Variants in CMIP observed in about 807,000 individuals in gnomAD.
CMIP encodes c-Maf inducing protein, also known as C-Maf-inducing protein.
CMIP carries 13 observed loss-of-function variants against 97.3 expected under a neutral mutation model. That is an observed-to-expected ratio of 0.13 (90% CI 0.09 to 0.21). CMIP has a LOEUF of 0.21. Ranked by LOEUF, CMIP falls within the 10% of genes least tolerant of loss-of-function variation. The probability of loss-of-function intolerance (pLI) is 1.00; values close to 1 mark genes in which losing one functional copy is unlikely to be tolerated. For missense variants in CMIP, 847 were observed against 1,024.9 expected (o/e 0.83, Z 2.37); for synonymous variants, 538 against 436.3 (o/e 1.23, Z -2.91).
chr16:81,625,507 A>G (rs28535205), intron 3 of CMIP, among the ~76,000 whole-genome samples: 4,101 of 152,324 alleles, frequency 0.027, 183 homozygotes, highest in African/African-American at 0.094. Context: ...GCCTGTGTGC[A>G]CACGAGGCCA....
intron 1 of CMIP, among the ~76,000 whole-genome samples, chr16:81,488,916 G>A (rs1235763053): frequency 1.3e-5 from 2 of 152,168 alleles, no homozygotes; most frequent in Admixed American, 1.3e-4. Context: ...GGCAGGCACT[G>A]GAAGAGATGG....
chr16:81,498,827 G>A (rs115385316), intron 1 of CMIP, among the ~76,000 whole-genome samples: 158 of 152,200 alleles, frequency 1.0e-3, no homozygotes, highest in African/African-American at 3.5e-3. Context: ...CTGCCCCTGC[G>A]TGTGCACACA....
At chr16:81,585,478 C>T (rs530409948) in intron 1 of CMIP, among the ~76,000 whole-genome samples, 5 of 152,326 alleles carry the variant, frequency 3.3e-5, no homozygotes, top group Admixed American at 3.3e-4. Context: ...GTCAGCCCTG[C>T]TCCCCTCCTG....
At chr16:81,466,060 T>TA (rs1353775147) in intron 1 of CMIP, among the ~76,000 whole-genome samples, 1 of 152,094 alleles carries the variant, frequency 6.6e-6, no homozygotes, top group Non-Finnish European at 1.5e-5. Flanking sequence ...TTTTACTTTT[T>TA]ATTTTGTCTT....
chr16:81,489,998 G>A (rs916069261), intron 1 of CMIP, among the ~76,000 whole-genome samples: 2 of 152,188 alleles, frequency 1.3e-5, no homozygotes, highest in Non-Finnish European at 2.9e-5. Context: ...ACCAGCCTTT[G>A]GACTGGTGCT....
At chr16:81,463,615 G>T (rs530939723) in intron 1 of CMIP, among the ~76,000 whole-genome samples, 1 of 152,284 alleles carries the variant, frequency 6.6e-6, no homozygotes, top group African/African-American at 2.4e-5. Context: ...GGGCTGGACC[G>T]GGTGAAATAA....
At chr16:81,653,109 G>A (rs937284214) in intron 4 of CMIP, among the ~76,000 whole-genome samples, 2 of 152,172 alleles carry the variant, frequency 1.3e-5, no homozygotes, top group Admixed American at 6.5e-5. Context: ...TATTCTAGGC[G>A]CTTTACAAAT....
intron 1 of CMIP, among the ~76,000 whole-genome samples, chr16:81,602,149 C>G (rs984739823): frequency 4.6e-5 from 7 of 152,014 alleles, no homozygotes; most frequent in African/African-American, 1.7e-4. Context: ...GGGGTGAGAG[C>G]AGGGATGAAA....
chr16:81,559,634 T>C (rs1439751343), intron 1 of CMIP, among the ~76,000 whole-genome samples: 1 of 148,998 alleles, frequency 6.7e-6, no homozygotes, highest in Admixed American at 8.0e-5. Flanking sequence ...CAGGTGTTGG[T>C]GGTGGTGCTG....
chr16:81,576,035 G>A (rs1176881961), intron 1 of CMIP, among the ~76,000 whole-genome samples: 1 of 152,132 alleles, frequency 6.6e-6, no homozygotes, highest in African/African-American at 2.4e-5. Flanking sequence ...CAACCCTCTA[G>A]GGTAGATACT....
intron 7 of CMIP, chr16:81,666,970 G>GT (rs2092610507): frequency 4.7e-5 from 2 of 42,922 alleles, no homozygotes; most frequent in Admixed American, 2.7e-4. Context: ...CAGCTGGTGT[G>GT]GGGGGGGGGT....
chr16:81,705,202 A>G (rs72831132), intron 18 of CMIP, among the ~76,000 whole-genome samples: 11,983 of 152,290 alleles, frequency 0.079, 600 homozygotes, highest in Non-Finnish European at 0.11. Context: ...CCACCTAGGC[A>G]GCATCTCGAA....
chr16:81,482,760 G>A (rs947979190), intron 1 of CMIP, among the ~76,000 whole-genome samples: 1 of 152,218 alleles, frequency 6.6e-6, no homozygotes, highest in African/African-American at 2.4e-5. Flanking sequence ...GGAGTCACTG[G>A]GGCTGGGTTT....
chr16:81,483,626 A>C, intron 1 of CMIP, among the ~76,000 whole-genome samples: 1 of 146,302 alleles, frequency 6.8e-6, no homozygotes, highest in African/African-American at 2.7e-5. Flanking sequence ...ACCCTCCCCC[A>C]GCTGCCCACT....
At chr16:81,468,259 A>G (rs756867960) in intron 1 of CMIP, among the ~76,000 whole-genome samples, 3 of 152,192 alleles carry the variant, frequency 2.0e-5, no homozygotes, top group Non-Finnish European at 4.4e-5. Flanking sequence ...CCTGTCTTCA[A>G]GATAAACTGT....
At chr16:81,656,711 C>T (rs969776064) in intron 4 of CMIP, among the ~76,000 whole-genome samples, 6 of 152,328 alleles carry the variant, frequency 3.9e-5, no homozygotes, top group African/African-American at 9.6e-5. Flanking sequence ...AATCTCAGCT[C>T]ACTGCAGCCT....
In CMIP at chr16:81,629,134, TAAAAAAAAA is replaced by T. The variant is rs10533097; in HGVS notation, c.477+8232_477+8240del. ...CTGGGTGACAGAGTGAAACTGTGCT[TAAAAAAAAA>T]AAAAAAAAAAAAAAAAAAAAAAAGA... On this transcript the variant is annotated intron_variant, in intron 3 of 20. Transcript: ENST00000537098. 3.8e-3 allele frequency among the ~76,000 whole-genome samples: 175 copies of T among 45,684 alleles called. 2 individuals are homozygous for T. Among genetic ancestry groups the T allele is most frequent in the African/African-American group, 0.012 (166 of 13,594 alleles). The allele number at this position is 45,684 out of a possible 152,430, so 30.0% of individuals were successfully genotyped here.
chr16:81,613,635 A>G (rs966690473), intron 2 of CMIP, among the ~76,000 whole-genome samples: 2 of 152,264 alleles, frequency 1.3e-5, no homozygotes, highest in African/African-American at 2.4e-5. Context: ...TAGGTGTTCA[A>G]GAAAACACTG....
chr16:81,484,312 G>A (rs772553736), intron 1 of CMIP, among the ~76,000 whole-genome samples: 3 of 152,212 alleles, frequency 2.0e-5, no homozygotes, highest in Non-Finnish European at 4.4e-5. Flanking sequence ...TGGGAGGCAC[G>A]GGAAGCCAAA....
Sources: gnomAD v4.1 joint callset for allele counts (sites outside exome capture counted in the v4.1 genomes callset) on GRCh38, gnomAD v4.1.1 for gene constraint, MANE v1.5 for transcripts, NCBI Gene and HGNC (gene_info 2026-07-23, HGNC 2026-07-21) for gene names.